Variants in MAN1A1 observed in about 807,000 individuals in gnomAD.
MAN1A1 encodes the protein mannosyl-oligosaccharide 1,2-alpha-mannosidase IA.
MAN1A1 carries 29 observed loss-of-function variants against 70.8 expected under a neutral mutation model. The ratio of observed to expected loss-of-function variants is 0.41; its 90% CI spans 0.31 to 0.56. The LOEUF (loss-of-function observed/expected upper bound fraction) is 0.56. MAN1A1 is among the 20% of genes least tolerant of loss of function. MAN1A1 has a pLI of 0.29. For synonymous variants in MAN1A1, 349 were observed against 330.1 expected, an observed-to-expected ratio of 1.06 and a Z score of -0.62; for missense variants, 747 against 841.3, an observed-to-expected ratio of 0.89 and a Z score of 1.39.
intron 6 of MAN1A1, among the ~76,000 whole-genome samples, chr6:119,208,282 C>G (rs72956765): frequency 4.3e-4 from 66 of 152,176 alleles, no homozygotes; most frequent in African/African-American, 1.5e-3. Context: ...CCTACTTCTT[C>G]CATTTTAAAT....
At chr6:119,343,907 C>T (rs195086) in intron 2 of MAN1A1, among the ~76,000 whole-genome samples, 19,899 of 152,206 alleles carry the variant, frequency 0.13, 1,868 homozygotes, top group East Asian at 0.31. Flanking sequence ...CCTGTGTATT[C>T]AGCCCTCATC....
At chr6:119,190,260 G>C (rs1773407196) in intron 9 of MAN1A1, among the ~76,000 whole-genome samples, 1 of 152,196 alleles carries the variant, frequency 6.6e-6, no homozygotes, top group African/African-American at 2.4e-5. Flanking sequence ...CAGGCCCTAA[G>C]GTGGATGAAG....
intron 6 of MAN1A1, among the ~76,000 whole-genome samples, chr6:119,215,697 A>AT (rs1200846025): frequency 6.6e-6 from 1 of 152,154 alleles, no homozygotes; most frequent in Non-Finnish European, 1.5e-5. Flanking sequence ...TAATAACAAT[A>AT]TTTTTTGGGC....
intron 5 of MAN1A1, among the ~76,000 whole-genome samples, chr6:119,278,315 ATT>A (rs1310509518): frequency 6.6e-6 from 1 of 152,174 alleles, no homozygotes; most frequent in African/African-American, 2.4e-5. Flanking sequence ...GCTGATATTC[ATT>A]TTGTTTACAT....
Position 119,179,873 on chromosome 6 carries a change from A to C in MAN1A1, c.1908T>G (p.His636Gln). Residue 636 changes from histidine to glutamine, a missense_variant, in exon 13 of 13, where the codon CAT becomes CAG. Physicochemically the swap from His to Gln is conservative, Grantham distance 24. Transcript: ENST00000368468. The part of the protein sequence containing the change: ...LEHWIFNSEA[H>Q]LLPILPKDKK... ...TATCTTTAGGGAGGATAGGGAGAAGATGTGCCTCGCTATTGAAGATCCAAT... is the reference window on the plus strand; with the variant it reads ...TATCTTTAGGGAGGATAGGGAGAAGCTGTGCCTCGCTATTGAAGATCCAAT... The C allele has an allele frequency of 6.2e-7, 1 of 1,612,660 alleles. No individual in the cohort carries two copies. Among genetic ancestry groups the C allele is most frequent in the Non-Finnish European group, 8.5e-7 (1 of 1,178,720 alleles).
intron 2 of MAN1A1, among the ~76,000 whole-genome samples, chr6:119,336,309 A>T (rs1773449138): frequency 6.6e-6 from 1 of 152,090 alleles, no homozygotes; most frequent in South Asian, 2.1e-4. Context: ...GCCTCAAGTG[A>T]TCCTCCCTTC....
At chr6:119,275,277 A>ATTTTTTT (rs869090504) in intron 5 of MAN1A1, among the ~76,000 whole-genome samples, 4 of 52,890 alleles carry the variant, frequency 7.6e-5, no homozygotes, top group African/African-American at 1.4e-4. Context: ...TACCCAGCTA[A>ATTTTTTT]TTTTTTTTTT....
intron 5 of MAN1A1, among the ~76,000 whole-genome samples, chr6:119,290,243 C>T (rs1039434390): frequency 3.3e-5 from 5 of 151,980 alleles, no homozygotes; most frequent in African/African-American, 9.7e-5. Flanking sequence ...AAGTGTCTCA[C>T]CCCCTTAATT....
intron 6 of MAN1A1, among the ~76,000 whole-genome samples, chr6:119,219,923 C>T (rs1186923921): frequency 7.1e-6 from 1 of 141,398 alleles, no homozygotes; most frequent in Non-Finnish European, 1.6e-5. Context: ...CTAGGAAAAT[C>T]TTGTCTGGTG....
intron 6 of MAN1A1, among the ~76,000 whole-genome samples, chr6:119,208,551 G>C (rs1357683827): frequency 6.6e-6 from 1 of 152,140 alleles, no homozygotes; most frequent in African/African-American, 2.4e-5. Context: ...AAAACAAGAA[G>C]GCATAATTAT....
chr6:119,293,674 C>G (rs1772115887), intron 4 of MAN1A1, among the ~76,000 whole-genome samples: 1 of 152,044 alleles, frequency 6.6e-6, no homozygotes. Context: ...AATTTGAGGT[C>G]TCTTTCAGTA....
At position 119,349,008 on chromosome 6, in the gene MAN1A1, C is replaced by T. The variant is rs757306238; in HGVS notation, c.58G>A (p.Gly20Arg). 2.4e-5 allele frequency: 33 copies of T among 1,384,354 alleles called. No individual in the cohort carries two copies. Among genetic ancestry groups the T allele is most frequent in the Non-Finnish European group, 3.0e-5 (32 of 1,065,522 alleles). 85.8% of individuals were successfully genotyped at this position (1,384,354 alleles called of 1,614,324 possible). ...FSSPAGGVLG[G>R]GLGGGGGRKG... ...CTGCCACCGCCGCCGCCGAGCCCCC[C>T]GCCCAGGACGCCGCCCGCGGGGCTG... The change falls in exon 2 of 13, where the codon GGG becomes AGG. Residue 20 changes from glycine to arginine, a missense_variant. Coordinates refer to ENST00000368468, the MANE Select transcript of MAN1A1 (RefSeq NM_005907.4).
intron 2 of MAN1A1, among the ~76,000 whole-genome samples, chr6:119,334,985 A>T (rs1461705221): frequency 6.6e-6 from 1 of 152,196 alleles, no homozygotes; most frequent in Non-Finnish European, 1.5e-5. Flanking sequence ...ATGAATGAGG[A>T]ACCACTCCAT....
Position 119,349,737 on chromosome 6 carries a change from A to G in MAN1A1, c.-418T>C, listed in dbSNP as rs928708636. The G allele has an allele frequency of 1.8e-5, 18 of 985,384 alleles. No individual in the cohort carries two copies. The highest frequency in any genetic ancestry group is 2.2e-5 in the Non-Finnish European group (18 of 829,948). 61.0% of individuals were successfully genotyped at this position (985,384 alleles called of 1,614,324 possible). ...GGCAGCGAGTAGAGCAGCACGGTAC[A>G]CTCCGCCGCGGCCCCGCGAGCACTA... On this transcript the variant is annotated 5_prime_UTR_variant, in exon 1 of 13. Transcript: ENST00000368468.
Position 119,193,888 on chromosome 6 carries a change from A to G in MAN1A1, c.1215T>C (p.His405=). Residue 405 remains histidine (H), a synonymous_variant, in exon 9 of 13, where the codon CAT becomes CAC. Coordinates refer to ENST00000368468, the MANE Select transcript of MAN1A1 (RefSeq NM_005907.4). The part of the protein sequence containing the change: ...NPSSGQWGQH[H]VSVGGLGDSF... ...TGTCTCCAAGTCCTCCAACTGATAC[A>G]TGATCTGGAAAGAGAGGGAAATGAA... The G allele has an allele frequency of 2.5e-6, 4 of 1,592,952 alleles. No individual in the cohort carries two copies. The highest frequency in any genetic ancestry group is 1.7e-4 in the Middle Eastern group (1 of 6,020).
intron 9 of MAN1A1, among the ~76,000 whole-genome samples, chr6:119,192,813 T>C (rs1241438261): frequency 3.3e-5 from 5 of 152,114 alleles, no homozygotes; most frequent in Non-Finnish European, 7.4e-5. Flanking sequence ...TCCTGAAGAG[T>C]ACAAATATTT....
chr6:119,195,206 G>C (rs1773537635), intron 8 of MAN1A1, among the ~76,000 whole-genome samples: 1 of 152,124 alleles, frequency 6.6e-6, no homozygotes, highest in African/African-American at 2.4e-5. Context: ...ATACATGAAT[G>C]AGATCACCCT....
intron 2 of MAN1A1, among the ~76,000 whole-genome samples, chr6:119,322,224 G>A (rs1773028300): frequency 6.6e-6 from 1 of 152,136 alleles, no homozygotes; most frequent in Admixed American, 6.5e-5. Context: ...TGTCCACAAG[G>A]AGCTCACTGG....
intron 5 of MAN1A1, among the ~76,000 whole-genome samples, chr6:119,283,252 C>T (rs1228489135): frequency 1.3e-5 from 2 of 152,162 alleles, no homozygotes; most frequent in African/African-American, 4.8e-5. Flanking sequence ...TTATATTATC[C>T]ATGTACAGAT....
Sources: gnomAD v4.1 joint callset for allele counts (sites outside exome capture counted in the v4.1 genomes callset) on GRCh38, gnomAD v4.1.1 for gene constraint, MANE v1.5 for transcripts, NCBI Gene and HGNC (gene_info 2026-07-23, HGNC 2026-07-21) for gene names.